TJP1: variants seen among roughly 807,000 people sequenced by gnomAD.
TJP1 encodes tight junction protein ZO-1.
Under a neutral mutation model 194.2 loss-of-function variants are expected in TJP1, and 43 were observed. That is an observed-to-expected ratio of 0.22 (90% CI 0.17 to 0.29). The LOEUF (loss-of-function observed/expected upper bound fraction) is 0.29. TJP1 is among the 10% of genes least tolerant of loss of function. The pLI, the probability that TJP1 is intolerant of heterozygous loss-of-function variation, is 1.00. For synonymous variants in TJP1, 801 were observed against 779.0 expected (o/e 1.03, Z -0.47); for missense variants, 1,971 against 2,185.7 (o/e 0.90, Z 1.96).
At chr15:29,918,364 C>G (rs2054251757) in intron 2 of TJP1, among the ~76,000 whole-genome samples, 1 of 152,132 alleles carries the variant, frequency 6.6e-6, no homozygotes, top group African/African-American at 2.4e-5. Flanking sequence ...AACTAAGGAT[C>G]AGAGGACTTT....
chr15:29,950,937 A>G (rs2055726884), intron 2 of TJP1, among the ~76,000 whole-genome samples: 2 of 152,148 alleles, frequency 1.3e-5, no homozygotes, highest in African/African-American at 2.4e-5. Flanking sequence ...TCTATTTGAC[A>G]AAGTTGTTAT....
chr15:29,801,894 A>G (rs1023336153), intron 1 of TJP1, among the ~76,000 whole-genome samples: 1 of 151,992 alleles, frequency 6.6e-6, no homozygotes, highest in African/African-American at 2.4e-5. Context: ...GCTTAAAAAA[A>G]AAATTACAAA....
chr15:29,717,681 C>T (rs1439712172), intron 22 of TJP1, among the ~76,000 whole-genome samples: 1 of 152,160 alleles, frequency 6.6e-6, no homozygotes, highest in Non-Finnish European at 1.5e-5. Context: ...TGTTTCCTCA[C>T]CACTGGAAAC....
At chr15:29,724,581 T>A (rs2054295383) in intron 18 of TJP1, among the ~76,000 whole-genome samples, 1 of 152,230 alleles carries the variant, frequency 6.6e-6, no homozygotes, top group South Asian at 2.1e-4. Flanking sequence ...AGGATGACTT[T>A]TCCTGGTTTA....
At chr15:29,939,772 A>G (rs1003222408) in intron 2 of TJP1, among the ~76,000 whole-genome samples, 1 of 152,198 alleles carries the variant, frequency 6.6e-6, no homozygotes, top group Non-Finnish European at 1.5e-5. Flanking sequence ...AAAAGGCCTA[A>G]GAGAGCTTGT....
chr15:29,836,471 C>T (rs955087357), intron 2 of TJP1, among the ~76,000 whole-genome samples: 1 of 151,924 alleles, frequency 6.6e-6, no homozygotes, highest in African/African-American at 2.4e-5. Flanking sequence ...CGGGGTTTCA[C>T]CGTGTTGGCC....
intron 2 of TJP1, among the ~76,000 whole-genome samples, chr15:29,917,146 G>C (rs928008231): frequency 1.3e-5 from 2 of 152,206 alleles, no homozygotes; most frequent in African/African-American, 4.8e-5. Context: ...GTAAACAAAA[G>C]GATACGACCT....
chr15:29,843,281 C>T (rs770040695), intron 2 of TJP1, among the ~76,000 whole-genome samples: 7 of 151,914 alleles, frequency 4.6e-5, no homozygotes, highest in African/African-American at 7.3e-5. Context: ...ATCCGCCTCC[C>T]GGGTTCAAGC....
chr15:29,699,745 A>G (rs2041428338), downstream of TJP1: 1 of 152,412 alleles, frequency 6.6e-6, no homozygotes, highest in Non-Finnish European at 1.5e-5. Context: ...CACTAAACCC[A>G]TTTTCTTCCC....
At chr15:29,899,957 C>T (rs1436507326) in intron 2 of TJP1, among the ~76,000 whole-genome samples, 2 of 152,286 alleles carry the variant, frequency 1.3e-5, no homozygotes, top group East Asian at 3.9e-4. Context: ...TCTCGTGGAG[C>T]TTCTATTCCA....
chr15:29,749,438 T>C (rs1171480418), intron 8 of TJP1, among the ~76,000 whole-genome samples: 1 of 152,162 alleles, frequency 6.6e-6, no homozygotes, highest in Non-Finnish European at 1.5e-5. Flanking sequence ...GGTTGTGAAA[T>C]TGCAGCTGTT....
At chr15:29,949,862 A>T (rs1215823578) in intron 2 of TJP1, among the ~76,000 whole-genome samples, 1 of 76,734 alleles carries the variant, frequency 1.3e-5, no homozygotes. Context: ...CTCCACAACC[A>T]CCACCTCCAC....
intron 15 of TJP1, 99 bp downstream of exon 15, chr15:29,732,334 G>A: frequency 9.2e-7 from 1 of 1,087,716 alleles, no homozygotes; most frequent in South Asian, 1.6e-5. Flanking sequence ...ATTTTTCACT[G>A]ACAAAAAGTC....
At chr15:29,801,470 T>A (rs1188871745) in intron 1 of TJP1, among the ~76,000 whole-genome samples, 58 of 151,170 alleles carry the variant, frequency 3.8e-4, no homozygotes, top group African/African-American at 1.2e-3. Context: ...ATTATTTTTT[T>A]TTTTTTTTTG....
chr15:29,712,499 T>G (rs1462966562), intron 23 of TJP1, among the ~76,000 whole-genome samples: 2 of 152,150 alleles, frequency 1.3e-5, no homozygotes. Flanking sequence ...AACTCAAATG[T>G]CATTTAAAAA....
chr15:29,967,187 AT>A (rs957298860), intron 1 of TJP1, among the ~76,000 whole-genome samples: 2 of 151,292 alleles, frequency 1.3e-5, no homozygotes, highest in African/African-American at 2.4e-5. Context: ...GTAATTTTGT[AT>A]TTTTTTGGTT....
intron 2 of TJP1, among the ~76,000 whole-genome samples, chr15:29,856,740 G>A (rs930293612): frequency 5.3e-5 from 8 of 151,998 alleles, no homozygotes; most frequent in Admixed American, 3.3e-4. Context: ...TTGGGAGGCT[G>A]AGGCGGGCAG....
intron 2 of TJP1, among the ~76,000 whole-genome samples, chr15:29,921,569 G>C (rs1331043142): frequency 2.0e-5 from 3 of 152,128 alleles, no homozygotes; most frequent in East Asian, 3.9e-4. Flanking sequence ...CAGCTCTCAC[G>C]GGGCTTTGCT....
intron 23 of TJP1, 80 bp downstream of exon 23, chr15:29,716,527 AAATT>A (rs1483745246): frequency 1.9e-5 from 20 of 1,037,556 alleles, no homozygotes; most frequent in Non-Finnish European, 2.5e-5. Context: ...TATTACACTT[AAATT>A]ATTTTTCTTC....
Sources: gnomAD v4.1 joint callset for allele counts (sites outside exome capture counted in the v4.1 genomes callset) on GRCh38, gnomAD v4.1.1 for gene constraint, MANE v1.5 for transcripts, NCBI Gene and HGNC (gene_info 2026-07-23, HGNC 2026-07-21) for gene names.